The following RESP18 variants were observed in gnomAD, a reference collection of about 807,000 sequenced individuals.
RESP18 encodes the protein regulated endocrine-specific protein 18.
A neutral mutation model predicts 30.0 loss-of-function variants in RESP18; 30 were observed. The observed-to-expected ratio is 1.00, with a 90% CI of 0.75 to 1.36. The LOEUF is 1.36. Ranked by LOEUF, RESP18 falls within the 40% of genes most tolerant of loss-of-function variation. RESP18 has a pLI of 0.00. For missense variants in RESP18, 320 were observed against 284.2 expected, an observed-to-expected ratio of 1.13 and a Z score of -0.91; for synonymous variants, 117 against 111.2, an observed-to-expected ratio of 1.05 and a Z score of -0.33.
At chr2:219,328,802 AC>A (rs1353491740) in intron 6 of RESP18, 121 bp downstream of exon 5, 1 of 650,324 alleles carries the variant, frequency 1.5e-6, no homozygotes, top group African/African-American at 1.8e-5. Flanking sequence ...TCTGAGCTGC[AC>A]CTCCCATTCA....
rs1282846563 is a variant in RESP18 at position 219,330,860 on chromosome 2, A to G, written c.248T>C (p.Val83Ala). 2.6e-6 allele frequency: 4 copies of G among 1,551,098 alleles called. No individual in the cohort carries two copies. The highest frequency in any genetic ancestry group is 2.4e-5 in the East Asian group (1 of 40,928). Residue 83 changes from valine to alanine, a missense_variant, in exon 3 of 7, where the codon GTA becomes GCA. Physicochemically the swap from Val to Ala is moderately conservative, Grantham distance 64 (BLOSUM62 0). Transcript: ENST00000333527. ...GAGGGGCCAAAGCTGCCCCACTCCT[A>G]CTTGGTCCTGACCATCTAAGGGCAA... is the stretch of plus-strand genomic sequence containing the variant.
rs1028178686 is a variant in RESP18, at chr2:219,333,103, A to G, written c.17+58T>C. ...AAATCATATAGGTTCGATCTGCTAT[A>G]TATATATATATAATATTATATATTA... On this transcript the variant is annotated intron_variant, in intron 1 of 6. Coordinates refer to ENST00000333527, the MANE Select transcript of RESP18 (RefSeq NM_001007089.4). The G allele has an allele frequency of 2.5e-5, 30 of 1,204,628 alleles. 1 individual carries two copies. The Middle Eastern group carries it at 6.2e-4, about 25-fold the overall frequency. The allele number at this position is 1,204,628 out of a possible 1,614,324, so 74.6% of individuals were successfully genotyped here. A position where few individuals can be genotyped will look rare whatever the true frequency, so the allele number is the denominator to read the frequency against.
rs773807113 is a variant in RESP18, at chr2:219,332,733, C to T, written c.23G>A (p.Gly8Glu). Reference sequence around the variant, plus strand: ...TGCAGCTTCCCACCAGCCCGCGACTCCGAATCTGTTTAACCCTCCTCGGCA... The same window carrying T: ...TGCAGCTTCCCACCAGCCCGCGACTTCGAATCTGTTTAACCCTCCTCGGCA... The change falls in exon 2 of 7, where the codon GGA becomes GAA. Residue 8 changes from glycine to glutamate, a missense_variant. Transcript: ENST00000333527. 1.2e-5 allele frequency: 19 copies of T among 1,544,536 alleles called. No homozygotes were observed. Among genetic ancestry groups the T allele is most frequent in the Non-Finnish European group, 1.5e-5 (17 of 1,142,878 alleles).
At chr2:219,332,076 C>T (rs149156439) in intron 2 of RESP18, among the ~76,000 whole-genome samples, 13 of 152,306 alleles carry the variant, frequency 8.5e-5, no homozygotes, top group Non-Finnish European at 1.5e-4. Context: ...GTCCCATTCC[C>T]CCTCCATCCT....
chr2:219,330,972 C>A, intron 2 of RESP18, 97 bp from the exon 2 acceptor site: 1 of 732,490 alleles, frequency 1.4e-6, no homozygotes. Flanking sequence ...ACTCCTGGAC[C>A]CCTGACCTCT....
chr2:219,331,096 C>G, intron 2 of RESP18: 1 of 472,226 alleles, frequency 2.1e-6, no homozygotes, highest in Non-Finnish European at 3.8e-6. Context: ...TTGGTACCAA[C>G]TTACAGATAA....
At position 219,332,525 on chromosome 2, in the gene RESP18, G is replaced by C. The variant is rs1296729988; in HGVS notation, c.231C>G (p.His77Gln). Reference sequence around the variant, plus strand: ...GCACCCCCCAGGGTTCCTCCTGACCGTGGGCACTAGTGTCGCTGCAGCCCC... The same window carrying C: ...GCACCCCCCAGGGTTCCTCCTGACCCTGGGCACTAGTGTCGCTGCAGCCCC... The change falls in exon 2 of 7, where the codon CAC becomes CAG. Residue 77 changes from histidine to glutamine, a missense_variant and splice_region_variant. Coordinates refer to ENST00000333527, the MANE Select transcript of RESP18 (RefSeq NM_001007089.4). The C allele has an allele frequency of 6.5e-7, 1 of 1,549,448 alleles. No individual in the cohort carries two copies. The highest frequency in any genetic ancestry group is 1.4e-5 in the African/African-American group (1 of 72,884).
intron 1 of RESP18, 26 bp from the exon 1 acceptor site, chr2:219,332,770 C>G (rs2385402): frequency 0.31 from 456,412 of 1,489,228 alleles, 83,587 homozygotes; most frequent in African/African-American, 0.84. Context: ...TTCAGCCAAT[C>G]GTGAGCGGGC....
chr2:219,327,590 A>T, intron 6 of RESP18, 27 bp from the exon 6 acceptor site: 1 of 1,547,954 alleles, frequency 6.5e-7, no homozygotes, highest in East Asian at 2.4e-5. Flanking sequence ...CAAGGGAGCT[A>T]GAGTCAGGAT....
intron 4 of RESP18, 96 bp downstream of exon 3, chr2:219,329,541 C>T (rs1952807970): frequency 5.8e-6 from 9 of 1,539,682 alleles, no homozygotes; most frequent in Non-Finnish European, 7.9e-6. Flanking sequence ...CACAGTGCTC[C>T]TGGCAACTTC....
At chr2:219,331,693 G>A (rs1310444997) in intron 2 of RESP18, among the ~76,000 whole-genome samples, 4 of 152,168 alleles carry the variant, frequency 2.6e-5, no homozygotes, top group Admixed American at 6.5e-5. Context: ...CAGGACTGGT[G>A]GGAAGGAGTG....
rs974041422 is a variant in RESP18, at chr2:219,332,437, T to C, written c.232+87A>G. ...TTAAGCACATTCTTTTACTTCCAAG[T>C]TTCCTAGCCTTGAGGCCCCCTGCAG... On this transcript the variant is annotated intron_variant, in intron 2 of 6. Coordinates refer to ENST00000333527, the MANE Select transcript of RESP18 (RefSeq NM_001007089.4). The C allele has an allele frequency of 3.4e-5, 33 of 969,664 alleles. No homozygotes were observed. The African/African-American group carries it at 4.0e-4, about 12-fold the overall frequency. 60.1% of individuals were successfully genotyped at this position (969,664 alleles called of 1,614,324 possible).
rs111654536 is a variant in RESP18, at chr2:219,328,964, C to T, written c.600G>A (p.Ala200=). ...TAATTTCTTCCTTAGAGGGTCCCGG[C>T]GCCTGCATCATGTCCAGCCCCCCAT... The change falls in exon 6 of 7, where the codon GCG becomes GCA. Residue 200 remains alanine (A), a synonymous_variant. Coordinates refer to ENST00000333527, the MANE Select transcript of RESP18 (RefSeq NM_001007089.4). 2,282 of 1,551,198 alleles carry T rather than the reference C, an allele frequency of 1.5e-3. 28 individuals carry two copies. The African/African-American group carries it at 0.027, about 19-fold the overall frequency.
intron 4 of RESP18, 44 bp from the exon 4 acceptor site, chr2:219,329,296 G>A: frequency 1.3e-6 from 2 of 1,551,730 alleles, no homozygotes; most frequent in Non-Finnish European, 1.7e-6. Context: ...GCAGAAAAGG[G>A]TGAGAGGGCC....
At position 219,333,161 on chromosome 2, in the gene RESP18, T is replaced by C; in HGVS notation, c.17A>G (p.Glu6Gly). Residue 6 changes from glutamate (E) to glycine (G), a missense_variant and splice_region_variant, in exon 1 of 7, where the codon GAA (glutamate) becomes GGA (glycine). Coordinates refer to ENST00000333527, the MANE Select transcript of RESP18 (RefSeq NM_001007089.4). ...TATATGGCACATCCATCCACTTTAC[T>C]CCACATCCACTGCCATCGCCTTGGT... The C allele has an allele frequency of 2.0e-6, 3 of 1,536,020 alleles. No individual in the cohort carries two copies. The highest frequency in any genetic ancestry group is 4.0e-5 in the Admixed American group (2 of 50,018).
In RESP18 at chr2:219,329,709, A is replaced by G. The variant is rs1040085372; in HGVS notation, c.393T>C (p.His131=). ...GTTCTTGGGGATGCAGTCTGCTGGC[A>G]TGCTCCATCTTTTGGATCATTGCAT... Residue 131 remains histidine, a synonymous_variant, in exon 4 of 7, where the codon CAT becomes CAC. Transcript: ENST00000333527. 4 of 1,551,552 alleles carry G rather than the reference A, an allele frequency of 2.6e-6. No homozygotes were observed. The African/African-American group carries it at 4.1e-5, about 16-fold the overall frequency.
intron 2 of RESP18, among the ~76,000 whole-genome samples, chr2:219,331,365 CAG>C (rs3051652): frequency 0.046 from 7,032 of 152,206 alleles, 555 homozygotes; most frequent in African/African-American, 0.16. Flanking sequence ...AGAGGAAGGA[CAG>C]GGGTTGGGGA....
Position 219,332,698 on chromosome 2 carries a change from T to C in RESP18, c.58A>G (p.Ser20Gly), listed in dbSNP as rs1433486683. The C allele has an allele frequency of 2.6e-6, 4 of 1,550,068 alleles. No homozygotes were observed. The African/African-American group carries it at 4.1e-5, about 16-fold the overall frequency. The change falls in exon 2 of 7, where the codon AGC (serine) becomes GGC (glycine). Residue 20 changes from serine to glycine, a missense_variant. Physicochemically the swap from Ser to Gly is moderately conservative, Grantham distance 56. Transcript: ENST00000333527. The stretch of plus-strand genomic sequence containing the variant: ...AAGGTAGCGGCCACGGCCGAGGGGC[T>C]GAGCGGGGCTGCAGCTTCCCACCAG...
intron 3 of RESP18, 49 bp from the exon 3 acceptor site, chr2:219,329,813 T>C: frequency 2.0e-6 from 3 of 1,531,504 alleles, no homozygotes; most frequent in Non-Finnish European, 2.7e-6. Flanking sequence ...GACACTCGGA[T>C]CCACTCCAGG....
Sources: gnomAD v4.1 joint callset for allele counts (sites outside exome capture counted in the v4.1 genomes callset) on GRCh38, gnomAD v4.1.1 for gene constraint, MANE v1.5 for transcripts, NCBI Gene and HGNC (gene_info 2026-07-23, HGNC 2026-07-21) for gene names.